RHCE: variants seen among roughly 807,000 people sequenced by gnomAD.
RHCE encodes the protein blood group Rh(CE) polypeptide.
A neutral mutation model predicts 43.8 loss-of-function variants in RHCE; 22 were observed. The ratio of observed to expected loss-of-function variants is 0.50; its 90% CI spans 0.36 to 0.72. The LOEUF (loss-of-function observed/expected upper bound fraction) is 0.72, where lower values mean the gene tolerates loss of function less well. Ranked by LOEUF, RHCE falls within the 30% of genes least tolerant of loss-of-function variation. The pLI, the probability that RHCE is intolerant of heterozygous loss-of-function variation, is 0.00. For missense variants in RHCE, 385 were observed against 525.4 expected, an observed-to-expected ratio of 0.73 and a Z score of 2.61; for synonymous variants, 156 against 210.7, an observed-to-expected ratio of 0.74 and a Z score of 2.25.
intron 2 of RHCE, among the ~76,000 whole-genome samples, chr1:25,402,991 AGTG>A (rs1646806693): frequency 7.1e-6 from 1 of 141,144 alleles, no homozygotes; most frequent in Admixed American, 7.0e-5. Context: ...TCTGTGCCTC[AGTG>A]CCTTCATCTA....
intron 5 of RHCE, among the ~76,000 whole-genome samples, chr1:25,389,759 G>A (rs1646298805): frequency 6.6e-6 from 1 of 152,198 alleles, no homozygotes; most frequent in East Asian, 1.9e-4. Flanking sequence ...CACCCTGTGT[G>A]ACTGGTCCCA....
intron 7 of RHCE, among the ~76,000 whole-genome samples, chr1:25,384,368 T>G (rs1646086669): frequency 6.6e-6 from 1 of 151,878 alleles, no homozygotes. Flanking sequence ...GGGTGCAAGC[T>G]GAAGAGCTCC....
rs966627011 is a variant in RHCE at position 25,409,211 on chromosome 1, C to T, written c.149-342G>A. ...GTGTAAAGTACACGTGCTTGATGCA[C>T]ATGGACACTCAGTAAAGGTCATTGC... On this transcript the variant is annotated intron_variant, in intron 1 of 9. Coordinates refer to ENST00000294413, the MANE Select transcript of RHCE (RefSeq NM_020485.8). 4.0e-5 allele frequency among the ~76,000 whole-genome samples: 5 copies of T among 123,700 alleles called. 1 individual carries two copies. The highest frequency in any genetic ancestry group is 1.3e-4 in the African/African-American group (5 of 39,596). The allele number at this position is 123,700 out of a possible 152,430, so 81.2% of individuals were successfully genotyped here. A position where few individuals can be genotyped will look rare whatever the true frequency, so the allele number is the denominator to read the frequency against.
At position 25,385,461 on chromosome 1, in the gene RHCE, G is replaced by A. The variant is rs652022; in HGVS notation, c.1073+250C>T. 8.8e-5 allele frequency: 51 copies of A among 579,984 alleles called. No homozygotes were observed. In the East Asian group the frequency reaches 1.1e-3, roughly 12 times the overall value. 35.9% of individuals were successfully genotyped at this position (579,984 alleles called of 1,614,324 possible). On this transcript the variant is annotated intron_variant, in intron 7 of 9. Transcript: ENST00000294413. The stretch of plus-strand genomic sequence containing the variant: ...CCTGCTCTGTGTTTGTGGGGTCACA[G>A]AAGATTTCGTGTCTTTGGTCTATAC...
chr1:25,424,490 C>A (rs1247959269), upstream of RHCE, among the ~76,000 whole-genome samples: 1 of 152,046 alleles, frequency 6.6e-6, no homozygotes, highest in African/African-American at 2.4e-5. Context: ...CAGGTTCAAG[C>A]GATTCTCCCG....
intron 3 of RHCE, 46 bp downstream of exon 3, chr1:25,402,550 T>G: frequency 6.2e-7 from 1 of 1,613,928 alleles, no homozygotes; most frequent in Non-Finnish European, 8.5e-7. Flanking sequence ...AAATGGAGCT[T>G]TTGGCCCTTT....
At chr1:25,414,152 A>G (rs1292825123) in intron 1 of RHCE, among the ~76,000 whole-genome samples, 1 of 151,632 alleles carries the variant, frequency 6.6e-6, no homozygotes, top group Non-Finnish European at 1.5e-5. Flanking sequence ...TTTAGGCAAG[A>G]CTGCTCTCCC....
chr1:25,421,154 C>T (rs1476955985), upstream of RHCE, among the ~76,000 whole-genome samples: 13 of 152,166 alleles, frequency 8.5e-5, no homozygotes, highest in African/African-American at 1.9e-4. Flanking sequence ...AAGCAAGGAA[C>T]GGATCAATAC....
rs1168004313 is a variant in RHCE at position 25,409,102 on chromosome 1, AG to A, written c.149-234del. 5.7e-5 allele frequency among the ~76,000 whole-genome samples: 7 copies of A among 123,774 alleles called. 2 individuals carry two copies. The highest frequency in any genetic ancestry group is 1.8e-4 in the African/African-American group (7 of 39,786). 81.2% of individuals were successfully genotyped at this position (123,774 alleles called of 152,430 possible). A position where few individuals can be genotyped will look rare whatever the true frequency, so the allele number is the denominator to read the frequency against. ...GGATTAGAGGAGCTAAAGCTAATTAAGCACTTAGGGCAGGGCCTGGCCCATA... is the reference window on the plus strand; with the variant it reads ...GGATTAGAGGAGCTAAAGCTAATTAACACTTAGGGCAGGGCCTGGCCCATA... On this transcript the variant is annotated intron_variant, in intron 1 of 9. Transcript: ENST00000294413.
chr1:25,390,615 G>T, intron 5 of RHCE, 134 bp downstream of exon 5: 6 of 1,074,198 alleles, frequency 5.6e-6, no homozygotes, highest in Non-Finnish European at 8.4e-6. Flanking sequence ...GAGCTCCACT[G>T]TAGAGGCAGG....
At chr1:25,410,536 T>G (rs547068111) in intron 1 of RHCE, among the ~76,000 whole-genome samples, 3 of 152,058 alleles carry the variant, frequency 2.0e-5, no homozygotes, top group African/African-American at 7.2e-5. Flanking sequence ...TTCAAGTGAT[T>G]CTTGTGCTTC....
At chr1:25,404,403 T>TC (rs1646852036) in intron 2 of RHCE, among the ~76,000 whole-genome samples, 1 of 142,456 alleles carries the variant, frequency 7.0e-6, no homozygotes, top group Non-Finnish European at 1.5e-5. Context: ...CGCTTAAGCC[T>TC]CAAGGACTTT....
upstream of RHCE, among the ~76,000 whole-genome samples, chr1:25,423,533 G>C (rs1228030644): frequency 6.6e-6 from 1 of 152,220 alleles, no homozygotes; most frequent in Non-Finnish European, 1.5e-5. Context: ...CTTGACAAGA[G>C]GATCCCGCTC....
At chr1:25,380,494 A>C (rs1557606506) in intron 7 of RHCE, among the ~76,000 whole-genome samples, 1 of 151,366 alleles carries the variant, frequency 6.6e-6, no homozygotes, top group Non-Finnish European at 1.5e-5. Flanking sequence ...GCTCCACTAG[A>C]CCTTGCTCTA....
chr1:25,400,012 T>A (rs530484954), intron 3 of RHCE, among the ~76,000 whole-genome samples: 7 of 152,070 alleles, frequency 4.6e-5, no homozygotes, highest in Admixed American at 3.9e-4. Context: ...ATAATAATTT[T>A]AAAAAAGATG....
Position 25,392,044 on chromosome 1 carries a change from G to A in RHCE, c.584C>T (p.Thr195Met), listed in dbSNP as rs368705839. 1.6e-5 allele frequency: 26 copies of A among 1,613,984 alleles called. No individual in the cohort carries two copies. The highest frequency in any genetic ancestry group is 3.3e-4 in the Middle Eastern group (2 of 6,084). ...WCLPKPLPKG[T>M]EDNDQRATIP... Reference sequence around the variant, plus strand: ...CGTTGCTCTCTGATCATTATCCTCCGTTCCCTTGGGTAGAGGCTTTGGCAG... The same window carrying A: ...CGTTGCTCTCTGATCATTATCCTCCATTCCCTTGGGTAGAGGCTTTGGCAG... Residue 195 changes from threonine to methionine, a missense_variant, in exon 4 of 10, where the codon ACG (threonine) becomes ATG (methionine). Physicochemically the swap from Thr to Met is moderately conservative, Grantham distance 81. Around this residue, in one of 6 missense-constraint regions of RHCE, gnomAD observed 110 missense variants for 103.4 expected, o/e 1.06. Transcript: ENST00000294413.
chr1:25,421,337 G>A (rs1160813756), upstream of RHCE, among the ~76,000 whole-genome samples: 1 of 152,220 alleles, frequency 6.6e-6, no homozygotes, highest in African/African-American at 2.4e-5. Flanking sequence ...GACCCACGTA[G>A]AATTGACTCC....
intron 1 of RHCE, 72 bp downstream of exon 1, chr1:25,420,567 G>C: frequency 6.2e-7 from 1 of 1,613,572 alleles, no homozygotes; most frequent in Non-Finnish European, 8.5e-7. Flanking sequence ...TGTGCCCCTG[G>C]AGAACCATAG....
intron 2 of RHCE, among the ~76,000 whole-genome samples, chr1:25,404,919 G>T (rs1398106895): frequency 2.0e-5 from 3 of 151,864 alleles, no homozygotes; most frequent in Non-Finnish European, 4.4e-5. Context: ...GGCCAGGAAT[G>T]GTGGCTCACA....
Sources: allele counts gnomAD v4.1 joint callset (sites outside exome capture counted in the v4.1 genomes callset), GRCh38; gene constraint gnomAD v4.1.1; regional missense constraint gnomAD v4.1.1; transcripts MANE v1.5; gene names NCBI Gene and HGNC (gene_info 2026-07-23, HGNC 2026-07-21).